Variants in GOLT1B observed in about 807,000 individuals in gnomAD.
GOLT1B encodes the protein vesicle transport protein GOT1B.
In GOLT1B, 3 loss-of-function variants were observed where a neutral mutation model predicts 15.4. The observed-to-expected ratio is 0.19, with a 90% CI of 0.09 to 0.50. The LOEUF (loss-of-function observed/expected upper bound fraction) is 0.50. Ranked by LOEUF, GOLT1B falls within the 20% of genes least tolerant of loss-of-function variation. GOLT1B has a pLI of 0.97. For missense variants in GOLT1B, 145 were observed against 160.4 expected (o/e 0.90, Z 0.52); for synonymous variants, 65 against 56.2 (o/e 1.16, Z -0.70).
At position 21,517,744 on chromosome 12, in the gene GOLT1B, A is replaced by G. The variant is rs992999384; in HGVS notation, c.*2037A>G. ...GAGGCTGGAGCAGTTTTCAGTTTTA[A>G]ATGAGTCTGCAGTTAATATCAAATG... On this transcript the variant is annotated 3_prime_UTR_variant, in exon 5 of 5. Transcript: ENST00000229314. The G allele has an allele frequency of 2.6e-5, 4 of 152,390 alleles. No homozygotes were observed. The highest frequency in any genetic ancestry group is 5.9e-5 in the Non-Finnish European group (4 of 67,960). The allele number at this position is 152,390 out of a possible 1,614,324, so 9.4% of individuals were successfully genotyped here.
At chr12:21,505,893 G>C (rs1191706971) in intron 1 of GOLT1B, among the ~76,000 whole-genome samples, 3 of 152,040 alleles carry the variant, frequency 2.0e-5, no homozygotes, top group Admixed American at 6.6e-5. Context: ...GTAACTTAGT[G>C]AATTGTGCTT....
intron 1 of GOLT1B, among the ~76,000 whole-genome samples, chr12:21,505,748 T>C (rs191804300): frequency 4.9e-4 from 75 of 152,240 alleles, no homozygotes; most frequent in African/African-American, 1.8e-3. Context: ...CAGAAATCAG[T>C]GATAGGGTAT....
chr12:21,505,849 A>G (rs1399100775), intron 1 of GOLT1B, among the ~76,000 whole-genome samples: 3 of 152,106 alleles, frequency 2.0e-5, no homozygotes, highest in African/African-American at 4.8e-5. Context: ...ATTAATGGCT[A>G]TTTTCTAGAA....
intron 1 of GOLT1B, among the ~76,000 whole-genome samples, chr12:21,505,123 G>A (rs1943670117): frequency 1.3e-5 from 2 of 152,106 alleles, no homozygotes; most frequent in Admixed American, 1.3e-4. Flanking sequence ...CATTCCAGTA[G>A]TATTGGAAGT....
At chr12:21,515,643 A>T in intron 4 of GOLT1B, 26 bp from the exon 5 acceptor site, 1 of 1,211,324 alleles carries the variant, frequency 8.3e-7, no homozygotes, top group South Asian at 1.3e-5. Context: ...GCTTTCTTTA[A>T]TTCTCTGTTT....
At chr12:21,513,305 C>T (rs1300214131) in intron 4 of GOLT1B, among the ~76,000 whole-genome samples, 3 of 152,060 alleles carry the variant, frequency 2.0e-5, no homozygotes, top group African/African-American at 7.2e-5. Context: ...AATATTCATT[C>T]AACAAATGTT....
In GOLT1B at chr12:21,517,882, T is replaced by C. The variant is rs1943767727; in HGVS notation, c.*2175T>C. ...AAGCACTATACATCCTATTGTTTCT[T>C]TCTTTCCAAAATCAGCCTTCTGTCT... On this transcript the variant is annotated 3_prime_UTR_variant, in exon 5 of 5. Transcript: ENST00000229314. The C allele has an allele frequency of 1.3e-5, 2 of 152,710 alleles. No homozygotes were observed. The highest frequency in any genetic ancestry group is 4.1e-4 in the South Asian group (2 of 4,832). 9.5% of individuals were successfully genotyped at this position (152,710 alleles called of 1,614,324 possible).
At chr12:21,512,738 A>G (rs1343453258) in intron 4 of GOLT1B, among the ~76,000 whole-genome samples, 1 of 152,170 alleles carries the variant, frequency 6.6e-6, no homozygotes, top group Non-Finnish European at 1.5e-5. Context: ...TCCTACAAAT[A>G]TTTTGTTTCT....
chr12:21,507,025 C>T (rs555165064), intron 2 of GOLT1B, 49 bp downstream of exon 2: 1 of 759,654 alleles, frequency 1.3e-6, no homozygotes, highest in African/African-American at 1.8e-5. Flanking sequence ...GAAATTTTAA[C>T]TACGAATGAA....
At chr12:21,502,986 C>G (rs2136800074) in intron 1 of GOLT1B, among the ~76,000 whole-genome samples, 1 of 152,208 alleles carries the variant, frequency 6.6e-6, no homozygotes, top group African/African-American at 2.4e-5. Context: ...CATGGCAGAC[C>G]AACTTCACAG....
At chr12:21,515,524 T>A in intron 4 of GOLT1B, 145 bp from the exon 5 acceptor site, 1 of 640,352 alleles carries the variant, frequency 1.6e-6, no homozygotes, top group Non-Finnish European at 2.7e-6. Context: ...TGAGTAGTAC[T>A]GGATTAGTCA....
At chr12:21,513,151 TGTTTACA>T (rs1170300574) in intron 4 of GOLT1B, among the ~76,000 whole-genome samples, 1 of 152,154 alleles carries the variant, frequency 6.6e-6, no homozygotes, top group African/African-American at 2.4e-5. Context: ...TTCCCAGCTC[TGTTTACA>T]GTTTGAACAA....
At chr12:21,511,265 G>T (rs1195168305) in intron 3 of GOLT1B, among the ~76,000 whole-genome samples, 2 of 152,132 alleles carry the variant, frequency 1.3e-5, no homozygotes, top group Non-Finnish European at 2.9e-5. Context: ...TTATTATAAA[G>T]GATATTACAA....
intron 2 of GOLT1B, chr12:21,508,078 A>G: frequency 2.5e-6 from 1 of 404,334 alleles, no homozygotes; most frequent in Non-Finnish European, 4.7e-6. Context: ...AGCTAAAACT[A>G]GGAAAACTAC....
intron 1 of GOLT1B, among the ~76,000 whole-genome samples, chr12:21,503,274 C>T (rs1274647473): frequency 6.6e-6 from 1 of 152,186 alleles, no homozygotes; most frequent in Non-Finnish European, 1.5e-5. Context: ...TATAAGAGCC[C>T]TGTAAGGCTC....
At chr12:21,512,819 C>G (rs1943729322) in intron 4 of GOLT1B, among the ~76,000 whole-genome samples, 1 of 152,080 alleles carries the variant, frequency 6.6e-6, no homozygotes, top group Non-Finnish European at 1.5e-5. Flanking sequence ...ACACCCTGCA[C>G]TTTGGGAGGC....
At position 21,501,828 on chromosome 12, in the gene GOLT1B, C is replaced by G; in HGVS notation, c.-96C>G. On this transcript the variant is annotated 5_prime_UTR_variant, in exon 1 of 5. Coordinates refer to ENST00000229314, the MANE Select transcript of GOLT1B (RefSeq NM_016072.5). Reference sequence around the variant, plus strand: ...CGTGTTTCCGGAAGACGTGGCGGCTCTCGCCTGGGCTGTTTCCCGGCTTCA... The same window carrying G: ...CGTGTTTCCGGAAGACGTGGCGGCTGTCGCCTGGGCTGTTTCCCGGCTTCA... 3.5e-6 allele frequency: 3 copies of G among 855,528 alleles called. No homozygotes were observed. The highest frequency in any genetic ancestry group is 5.9e-6 in the Non-Finnish European group (3 of 507,860). The allele number at this position is 855,528 out of a possible 1,614,324, so 53.0% of individuals were successfully genotyped here. A position where few individuals can be genotyped will look rare whatever the true frequency, so the allele number is the denominator to read the frequency against.
intron 1 of GOLT1B, among the ~76,000 whole-genome samples, chr12:21,505,221 C>G (rs1325469308): frequency 6.6e-6 from 1 of 152,128 alleles, no homozygotes; most frequent in East Asian, 1.9e-4. Flanking sequence ...TTTCCATATA[C>G]CTTCCTTTCT....
At chr12:21,504,625 G>A (rs758519648) in intron 1 of GOLT1B, 18 of 493,418 alleles carry the variant, frequency 3.6e-5, no homozygotes, top group South Asian at 2.7e-4. Flanking sequence ...ACACATTTTT[G>A]CTGCTTCTAT....
Sources: gnomAD v4.1 joint callset for allele counts (sites outside exome capture counted in the v4.1 genomes callset) on GRCh38, gnomAD v4.1.1 for gene constraint, MANE v1.5 for transcripts, NCBI Gene and HGNC (gene_info 2026-07-23, HGNC 2026-07-21) for gene names.